SLC30A8: variants seen among roughly 807,000 people sequenced by gnomAD.
The protein encoded by SLC30A8 is solute carrier family 30 member 8.
Under a neutral mutation model 36.9 loss-of-function variants are expected in SLC30A8, and 27 were observed. That is an observed-to-expected ratio of 0.73 (90% CI 0.54 to 1.01). The LOEUF is 1.01. Ranked by LOEUF, SLC30A8 falls within the 50% of genes least tolerant of loss-of-function variation. SLC30A8 has a pLI of 0.00. For missense variants in SLC30A8, 439 were observed against 452.0 expected (o/e 0.97, Z 0.26); for synonymous variants, 164 against 172.4 (o/e 0.95, Z 0.38).
At position 117,176,689 on chromosome 8, in the gene SLC30A8, T is replaced by C. The variant is rs1249689727; in HGVS notation, c.*4008T>C. ...TATTTTAAAATGTTAATGTGTGTTG[T>C]TTAAAATAAAATCAAGAAAGAGAGA... On this transcript the variant is annotated 3_prime_UTR_variant, in exon 8 of 8. Coordinates refer to ENST00000456015, the MANE Select transcript of SLC30A8 (RefSeq NM_173851.3). The C allele has an allele frequency of 6.6e-6, 1 of 152,520 alleles. No homozygotes were observed. The highest frequency in any genetic ancestry group is 1.5e-5 in the Non-Finnish European group (1 of 68,004). The allele number at this position is 152,520 out of a possible 1,614,324, so 9.4% of individuals were successfully genotyped here.
intron 1 of SLC30A8, among the ~76,000 whole-genome samples, chr8:117,030,460 A>G (rs555431694): frequency 4.7e-4 from 71 of 152,250 alleles, no homozygotes; most frequent in African/African-American, 1.6e-3. Context: ...AATATTTCCA[A>G]TGTTCTTACC....
chr8:116,956,583 AG>A (rs1248789465), intron 1 of SLC30A8, among the ~76,000 whole-genome samples: 1 of 152,128 alleles, frequency 6.6e-6, no homozygotes, highest in Non-Finnish European at 1.5e-5. Context: ...TTAAAAAAAC[AG>A]TGTATATCTA....
chr8:117,082,254 G>T (rs1243516686), intron 2 of SLC30A8, among the ~76,000 whole-genome samples: 2 of 152,104 alleles, frequency 1.3e-5, no homozygotes, highest in African/African-American at 2.4e-5. Context: ...ATTGGTCTAG[G>T]TCTTTAAAGC....
intron 1 of SLC30A8, among the ~76,000 whole-genome samples, chr8:117,017,526 C>T (rs7011188): frequency 6.6e-6 from 1 of 152,038 alleles, no homozygotes; most frequent in Admixed American, 6.5e-5. Flanking sequence ...AAGCAAGGCA[C>T]CAGCCAACAC....
intron 2 of SLC30A8, chr8:117,129,877 TTAAA>T (rs1396459402): frequency 1.3e-5 from 2 of 151,948 alleles, no homozygotes; most frequent in Non-Finnish European, 2.9e-5. Context: ...CTTGTTATAA[TTAAA>T]TAAACATTTT....
chr8:116,954,695 A>C (rs1029045184), intron 1 of SLC30A8, among the ~76,000 whole-genome samples: 1 of 152,220 alleles, frequency 6.6e-6, no homozygotes, highest in Non-Finnish European at 1.5e-5. Flanking sequence ...CATTCTTTCA[A>C]ATAGTTTGGT....
intron 2 of SLC30A8, among the ~76,000 whole-genome samples, chr8:117,051,986 G>T (rs1489967597): frequency 2.0e-5 from 3 of 152,120 alleles, no homozygotes; most frequent in Non-Finnish European, 4.4e-5. Flanking sequence ...TGTACAGCCT[G>T]CAGAGGCAAA....
intron 2 of SLC30A8, among the ~76,000 whole-genome samples, chr8:117,039,912 T>G (rs376850682): frequency 1.3e-5 from 2 of 152,356 alleles, no homozygotes; most frequent in African/African-American, 4.8e-5. Context: ...CTAGGCCTTT[T>G]GATAAATTAT....
At chr8:117,159,680 CAT>C (rs1822677029) in intron 4 of SLC30A8, among the ~76,000 whole-genome samples, 2 of 152,168 alleles carry the variant, frequency 1.3e-5, no homozygotes, top group African/African-American at 4.8e-5. Context: ...CCAGAGCACA[CAT>C]ATTGCTGACT....
chr8:117,038,036 G>A (rs1475593603), intron 1 of SLC30A8, among the ~76,000 whole-genome samples: 2 of 152,078 alleles, frequency 1.3e-5, no homozygotes, highest in South Asian at 2.1e-4. Context: ...TCTGGCTAGG[G>A]TAATGAAAAA....
At chr8:117,076,356 G>T (rs1174640312) in intron 2 of SLC30A8, among the ~76,000 whole-genome samples, 2 of 152,146 alleles carry the variant, frequency 1.3e-5, no homozygotes. Flanking sequence ...CCTTTGGGAA[G>T]GCAAGACAAC....
chr8:117,129,339 A>G (rs536649727), intron 2 of SLC30A8, among the ~76,000 whole-genome samples: 1 of 152,194 alleles, frequency 6.6e-6, no homozygotes, highest in East Asian at 1.9e-4. Flanking sequence ...AAAGTGGATT[A>G]AAAATAAATA....
At chr8:117,093,414 C>T (rs1819220434) in intron 2 of SLC30A8, among the ~76,000 whole-genome samples, 1 of 151,684 alleles carries the variant, frequency 6.6e-6, no homozygotes, top group Non-Finnish European at 1.5e-5. Flanking sequence ...TACACATTCA[C>T]CTTACTGGGT....
intron 2 of SLC30A8, among the ~76,000 whole-genome samples, chr8:117,061,935 A>T (rs758604042): frequency 6.6e-6 from 1 of 152,236 alleles, no homozygotes; most frequent in Non-Finnish European, 1.5e-5. Context: ...AGAGAGGAAT[A>T]GGGCAGGTTA....
intron 2 of SLC30A8, among the ~76,000 whole-genome samples, chr8:117,072,469 A>G (rs1434930192): frequency 6.6e-6 from 1 of 152,200 alleles, no homozygotes; most frequent in African/African-American, 2.4e-5. Flanking sequence ...TGCATTTTCT[A>G]AGAGGTAATG....
chr8:117,064,970 A>G (rs1818126255), intron 2 of SLC30A8, among the ~76,000 whole-genome samples: 1 of 152,264 alleles, frequency 6.6e-6, no homozygotes, highest in Non-Finnish European at 1.5e-5. Flanking sequence ...CTTGTGAGGA[A>G]GATCAGATTC....
chr8:117,083,826 A>G (rs903595078), intron 2 of SLC30A8, among the ~76,000 whole-genome samples: 2 of 152,088 alleles, frequency 1.3e-5, no homozygotes, highest in Non-Finnish European at 2.9e-5. Flanking sequence ...TTTGGAGATA[A>G]TTTGCCACTA....
chr8:117,047,403 AAACTAGAGGG>A (rs1275826218), intron 2 of SLC30A8, among the ~76,000 whole-genome samples: 1 of 152,100 alleles, frequency 6.6e-6, no homozygotes, highest in Non-Finnish European at 1.5e-5. Context: ...TTCTTCCTCC[AAACTAGAGGG>A]AATGGAATAT....
chr8:117,120,200 T>A (rs1034037380), intron 2 of SLC30A8, among the ~76,000 whole-genome samples: 1 of 151,962 alleles, frequency 6.6e-6, no homozygotes, highest in Admixed American at 6.6e-5. Flanking sequence ...GGTATCACAC[T>A]TTCTGATTTT....
Sources: gnomAD v4.1 joint callset for allele counts (sites outside exome capture counted in the v4.1 genomes callset) on GRCh38, gnomAD v4.1.1 for gene constraint, MANE v1.5 for transcripts, NCBI Gene and HGNC (gene_info 2026-07-23, HGNC 2026-07-21) for gene names.